Variants in ST8SIA4 observed in about 807,000 individuals in gnomAD.
ST8SIA4 encodes the protein CMP-N-acetylneuraminate-poly-alpha-2,8-sialyltransferase.
ST8SIA4 carries 15 observed loss-of-function variants against 33.9 expected under a neutral mutation model. That is an observed-to-expected ratio of 0.44 (90% CI 0.30 to 0.68). The LOEUF is 0.68. ST8SIA4 is among the 30% of genes least tolerant of loss of function. The pLI is 0.10. For synonymous variants in ST8SIA4, 171 were observed against 151.2 expected, an observed-to-expected ratio of 1.13 and a Z score of -0.96; for missense variants, 321 against 428.0, an observed-to-expected ratio of 0.75 and a Z score of 2.21.
Position 100,886,502 on chromosome 5 carries a change from C to T in ST8SIA4, c.344G>A (p.Arg115His), listed in dbSNP as rs376980451. 5.0e-6 allele frequency: 8 copies of T among 1,613,810 alleles called. No individual in the cohort carries two copies. The highest frequency in any genetic ancestry group is 2.7e-5 in the African/African-American group (2 of 75,006). ...GDVIHYVLDR[R>H]RTLNISHDLH... is the part of the protein sequence containing the mutation. ...ATCATGAGAAATGTTTAGTGTCCGG[C>T]GCCTGTCAAGCACATAGTGTATGAC... Residue 115 changes from arginine (R) to histidine (H), a missense_variant, in exon 3 of 5, where the codon CGC becomes CAC. Coordinates refer to ENST00000231461, the MANE Select transcript of ST8SIA4 (RefSeq NM_005668.6).
intron 4 of ST8SIA4, among the ~76,000 whole-genome samples, chr5:100,853,739 A>T (rs2112437190): frequency 6.6e-6 from 1 of 152,348 alleles, no homozygotes; most frequent in South Asian, 2.1e-4. Flanking sequence ...ATTCACTGTT[A>T]ATCATATATA....
intron 3 of ST8SIA4, among the ~76,000 whole-genome samples, chr5:100,870,450 G>T (rs867086075): frequency 2.6e-5 from 4 of 152,126 alleles, no homozygotes; most frequent in Non-Finnish European, 4.4e-5. Flanking sequence ...TTTTGGAAAA[G>T]CTGTTATCAG....
chr5:100,874,098 T>G (rs1021727503), intron 3 of ST8SIA4, among the ~76,000 whole-genome samples: 5 of 152,164 alleles, frequency 3.3e-5, no homozygotes, highest in Admixed American at 3.3e-4. Context: ...GAAAGACACT[T>G]TATACAGATT....
At chr5:100,816,446 G>T (rs763066050) in intron 4 of ST8SIA4, 2 of 516,364 alleles carry the variant, frequency 3.9e-6, no homozygotes, top group Admixed American at 4.3e-5. Context: ...ATTGGTTTGT[G>T]TTTATATTTA....
intron 1 of ST8SIA4, among the ~76,000 whole-genome samples, chr5:100,901,979 A>C (rs1427308233): frequency 6.6e-6 from 1 of 152,160 alleles, no homozygotes; most frequent in Non-Finnish European, 1.5e-5. Flanking sequence ...ACGCCTCCAA[A>C]CCGGAACAGG....
At chr5:100,875,383 G>A (rs569706917) in intron 3 of ST8SIA4, among the ~76,000 whole-genome samples, 2 of 152,256 alleles carry the variant, frequency 1.3e-5, no homozygotes, top group South Asian at 4.1e-4. Flanking sequence ...CTAAAGATTA[G>A]TAACCTAATT....
rs541020647 is a variant in ST8SIA4, at chr5:100,898,761, C to G, written c.114-2976G>C. Among the ~76,000 whole-genome samples, 46 of 152,304 alleles carry G rather than the reference C, an allele frequency of 3.0e-4. 1 individual carries two copies. Among genetic ancestry groups the G allele is most frequent in the Non-Finnish European group, 3.7e-4 (25 of 68,024 alleles). The stretch of plus-strand genomic sequence containing the variant: ...GAAGCTTGAAGGATGTTGCCACCCC[C>G]CTACTTGTCTCTCATTCCAGATCAG... On this transcript the variant is annotated intron_variant, in intron 1 of 4. Coordinates refer to ENST00000231461, the MANE Select transcript of ST8SIA4 (RefSeq NM_005668.6).
At position 100,858,784 on chromosome 5, in the gene ST8SIA4, T is replaced by G. The variant is rs186548866; in HGVS notation, c.504-2388A>C. ...GTATGGTGCTAACTAAAGGAGCAAT[T>G]GGAGATCAAAGAGTAACAAATCCAC... On this transcript the variant is annotated intron_variant, in intron 3 of 4. Transcript: ENST00000231461. 1.4e-3 allele frequency among the ~76,000 whole-genome samples: 211 copies of G among 152,196 alleles called. 7 individuals are homozygous for G. The highest frequency in any genetic ancestry group is 2.7e-4 in the Non-Finnish European group (18 of 67,922).
intron 3 of ST8SIA4, among the ~76,000 whole-genome samples, chr5:100,858,497 C>G (rs1042836011): frequency 1.6e-4 from 25 of 152,056 alleles, no homozygotes; most frequent in African/African-American, 6.0e-4. Flanking sequence ...AAAAAAATCA[C>G]TCAATTACTG....
intron 3 of ST8SIA4, among the ~76,000 whole-genome samples, chr5:100,881,429 A>C (rs1314053268): frequency 6.6e-6 from 1 of 152,202 alleles, no homozygotes; most frequent in African/African-American, 2.4e-5. Context: ...TAGTTTGTTA[A>C]CTATGTCAAC....
At chr5:100,886,877 C>G (rs1004181775) in intron 2 of ST8SIA4, among the ~76,000 whole-genome samples, 2 of 151,904 alleles carry the variant, frequency 1.3e-5, no homozygotes, top group Non-Finnish European at 2.9e-5. Flanking sequence ...AAAAAGCACT[C>G]CAATTATCAA....
At chr5:100,831,220 C>G (rs1173399324) in intron 4 of ST8SIA4, among the ~76,000 whole-genome samples, 1 of 152,170 alleles carries the variant, frequency 6.6e-6, no homozygotes, top group Admixed American at 6.5e-5. Flanking sequence ...AACTACTGTT[C>G]TCCAGGTACT....
At chr5:100,888,851 T>G (rs1283576515) in intron 2 of ST8SIA4, among the ~76,000 whole-genome samples, 1 of 151,934 alleles carries the variant, frequency 6.6e-6, no homozygotes, top group Non-Finnish European at 1.5e-5. Context: ...TGCTCTAATT[T>G]TATAAACAAG....
At chr5:100,892,273 A>C (rs1730171170) in intron 2 of ST8SIA4, among the ~76,000 whole-genome samples, 1 of 152,210 alleles carries the variant, frequency 6.6e-6, no homozygotes, top group South Asian at 2.1e-4. Context: ...TCACAGATTT[A>C]TTCACAACAT....
In ST8SIA4 at chr5:100,895,776, T is replaced by C. The variant is rs1368786085; in HGVS notation, c.123A>G (p.Glu41=). Residue 41 remains glutamate (E), a synonymous_variant, in exon 2 of 5, where the codon GAA becomes GAG. Transcript: ENST00000231461. ...TGACAAGTGACCGACTCAAAGACAATTCACCATCTCTGAAACAAAACAAAA... is the reference window on the plus strand; with the variant it reads ...TGACAAGTGACCGACTCAAAGACAACTCACCATCTCTGAAACAAAACAAAA... The part of the protein sequence containing the change: ...HQETQLIGDG[E]LSLSRSLVNS... 1 of 1,612,306 alleles carries C rather than the reference T, an allele frequency of 6.2e-7. No individual in the cohort carries two copies. The highest frequency in any genetic ancestry group is 8.5e-7 in the Non-Finnish European group (1 of 1,178,852).
intron 3 of ST8SIA4, chr5:100,885,385 A>C: frequency 2.1e-6 from 2 of 966,254 alleles, no homozygotes; most frequent in Non-Finnish European, 2.5e-6. Flanking sequence ...GTGATTTCTC[A>C]TGACTTTTTT....
At chr5:100,821,960 C>T (rs1211531135) in intron 4 of ST8SIA4, among the ~76,000 whole-genome samples, 1 of 152,164 alleles carries the variant, frequency 6.6e-6, no homozygotes, top group Non-Finnish European at 1.5e-5. Flanking sequence ...AAGGGAACTT[C>T]CCAGCTGAGG....
chr5:100,879,718 T>C (rs1561403915), intron 3 of ST8SIA4, among the ~76,000 whole-genome samples: 1 of 152,180 alleles, frequency 6.6e-6, no homozygotes, highest in Non-Finnish European at 1.5e-5. Context: ...AATATGTTAA[T>C]ACGAGAAAAC....
Position 100,807,622 on chromosome 5 carries a change from G to A in ST8SIA4, c.*4225C>T, listed in dbSNP as rs559274244. On this transcript the variant is annotated 3_prime_UTR_variant, in exon 5 of 5. Transcript: ENST00000231461. ...AGACCCTTACTGTAACTCTACGTAT[G>A]AACGACATAGAATTCAGTTATAAAG... 4 of 152,490 alleles carry A rather than the reference G, an allele frequency of 2.6e-5. No individual in the cohort carries two copies. Among genetic ancestry groups the A allele is most frequent in the Admixed American group, 6.5e-5 (1 of 15,272 alleles). 9.4% of individuals were successfully genotyped at this position (152,490 alleles called of 1,614,324 possible).
Sources: gnomAD v4.1 joint callset for allele counts (sites outside exome capture counted in the v4.1 genomes callset) on GRCh38, gnomAD v4.1.1 for gene constraint, MANE v1.5 for transcripts, NCBI Gene and HGNC (gene_info 2026-07-23, HGNC 2026-07-21) for gene names.